The following KCTD16 variants were observed in gnomAD, a reference collection of about 807,000 sequenced individuals.
The protein encoded by KCTD16 is potassium channel tetramerization domain containing 16.
In KCTD16, 13 loss-of-function variants were observed where a neutral mutation model predicts 33.2. The ratio of observed to expected loss-of-function variants is 0.39; its 90% confidence interval spans 0.25 to 0.62. KCTD16 has a LOEUF of 0.62. KCTD16 is among the 20% of genes least tolerant of loss of function. The pLI, the probability that KCTD16 is intolerant of heterozygous loss-of-function variation, is 0.50. For missense variants in KCTD16, 441 were observed against 525.1 expected (o/e 0.84, Z 1.57); for synonymous variants, 197 against 195.3 (o/e 1.01, Z -0.07).
chr5:144,192,011 G>C (rs182174760), intron 2 of KCTD16, among the ~76,000 whole-genome samples: 2 of 152,228 alleles, frequency 1.3e-5, no homozygotes, highest in East Asian at 3.9e-4. Flanking sequence ...ACAGTGAGAA[G>C]GGATCAGTTT....
At chr5:144,323,321 T>G (rs925665258) in intron 3 of KCTD16, among the ~76,000 whole-genome samples, 2 of 152,180 alleles carry the variant, frequency 1.3e-5, no homozygotes, top group African/African-American at 4.8e-5. Context: ...ACCATGTAAG[T>G]CTGGGTTCTC....
At chr5:144,322,382 T>A (rs1752094933) in intron 3 of KCTD16, among the ~76,000 whole-genome samples, 1 of 152,156 alleles carries the variant, frequency 6.6e-6, no homozygotes, top group South Asian at 2.1e-4. Flanking sequence ...GTTGATCTAA[T>A]CAGAGCTAAT....
chr5:144,421,531 T>G (rs944411360), intron 3 of KCTD16, among the ~76,000 whole-genome samples: 1 of 152,252 alleles, frequency 6.6e-6, no homozygotes, highest in Admixed American at 6.6e-5. Context: ...ATCTGGTTCC[T>G]TGGACTCAGT....
intron 3 of KCTD16, among the ~76,000 whole-genome samples, chr5:144,280,194 G>A (rs1254400256): frequency 1.3e-5 from 2 of 152,082 alleles, no homozygotes; most frequent in African/African-American, 4.8e-5. Context: ...AATGAGCTGA[G>A]TAGTATTCCC....
intron 3 of KCTD16, among the ~76,000 whole-genome samples, chr5:144,214,911 A>G (rs72800580): frequency 0.016 from 2,368 of 152,292 alleles, 27 homozygotes; most frequent in South Asian, 0.037. Context: ...CCTGGAACAA[A>G]TGTAGGTATA....
intron 3 of KCTD16, among the ~76,000 whole-genome samples, chr5:144,312,633 AAGG>A (rs1033016556): frequency 3.3e-5 from 5 of 152,226 alleles, no homozygotes; most frequent in Non-Finnish European, 7.3e-5. Context: ...GCACATAAAA[AAGG>A]AGAAGAGGAA....
chr5:144,461,032 A>C (rs1754182542), intron 3 of KCTD16, among the ~76,000 whole-genome samples: 1 of 152,224 alleles, frequency 6.6e-6, no homozygotes, highest in East Asian at 1.9e-4. Context: ...CTTACTTTCC[A>C]GGAACTTAAA....
intron 3 of KCTD16, among the ~76,000 whole-genome samples, chr5:144,398,861 G>C (rs1341573953): frequency 6.6e-6 from 1 of 152,002 alleles, no homozygotes; most frequent in African/African-American, 2.4e-5. Context: ...AAACACCACT[G>C]TGCTTTTTGT....
intron 3 of KCTD16, among the ~76,000 whole-genome samples, chr5:144,287,357 C>T (rs1210535466): frequency 1.6e-5 from 2 of 122,794 alleles, no homozygotes; most frequent in African/African-American, 2.7e-5. Flanking sequence ...TTTCAGAGCA[C>T]AGCTGCCAGG....
chr5:144,206,220 A>G (rs373129865), intron 2 of KCTD16, among the ~76,000 whole-genome samples, 169 bp from the exon 3 acceptor site: 45 of 152,248 alleles, frequency 3.0e-4, no homozygotes, highest in Non-Finnish European at 4.8e-4. Context: ...GAGAGAAGCT[A>G]TGATTTAATT....
intron 3 of KCTD16, among the ~76,000 whole-genome samples, chr5:144,235,365 G>A (rs1754222247): frequency 6.6e-6 from 1 of 152,044 alleles, no homozygotes; most frequent in South Asian, 2.1e-4. Flanking sequence ...GCTTAACCAG[G>A]GAGTTTGAAT....
intron 2 of KCTD16, among the ~76,000 whole-genome samples, chr5:144,189,733 G>C (rs889739450): frequency 7.2e-5 from 11 of 152,112 alleles, no homozygotes; most frequent in African/African-American, 2.2e-4. Flanking sequence ...AGTTTTTTCA[G>C]GTGGTTTGCC....
intron 2 of KCTD16, among the ~76,000 whole-genome samples, chr5:144,198,599 C>T (rs190854032): frequency 2.8e-4 from 43 of 152,280 alleles, no homozygotes; most frequent in African/African-American, 8.2e-4. Flanking sequence ...TTGTGAAAAA[C>T]GCCTTCTACA....
chr5:144,217,502 A>C (rs981122139), intron 3 of KCTD16, among the ~76,000 whole-genome samples: 1 of 152,242 alleles, frequency 6.6e-6, no homozygotes, highest in Non-Finnish European at 1.5e-5. Flanking sequence ...ACAGAGGGGT[A>C]ATAACGGATA....
At chr5:144,344,776 C>A (rs1340511913) in intron 3 of KCTD16, among the ~76,000 whole-genome samples, 1 of 150,248 alleles carries the variant, frequency 6.7e-6, no homozygotes, top group Non-Finnish European at 1.5e-5. Flanking sequence ...ACTAGTTCAA[C>A]CCTTGTGGAA....
chr5:144,290,392 G>A (rs180795257), intron 3 of KCTD16, among the ~76,000 whole-genome samples: 1 of 152,290 alleles, frequency 6.6e-6, no homozygotes, highest in East Asian at 1.9e-4. Flanking sequence ...TGAAGTGGCT[G>A]AGATATACTA....
chr5:144,465,488 G>C (rs1754308548), intron 3 of KCTD16, among the ~76,000 whole-genome samples: 1 of 151,914 alleles, frequency 6.6e-6, no homozygotes, highest in Non-Finnish European at 1.5e-5. Context: ...TTTCCTCATT[G>C]TAAAAATGAG....
At chr5:144,421,557 G>A (rs1753210696) in intron 3 of KCTD16, among the ~76,000 whole-genome samples, 2 of 152,142 alleles carry the variant, frequency 1.3e-5, no homozygotes, top group African/African-American at 4.8e-5. Flanking sequence ...TGCCAGTGGG[G>A]TAAGAGAGTG....
At chr5:144,386,218 T>A (rs1263354123) in intron 3 of KCTD16, among the ~76,000 whole-genome samples, 1 of 152,188 alleles carries the variant, frequency 6.6e-6, no homozygotes, top group Non-Finnish European at 1.5e-5. Flanking sequence ...GAAAGGGCCC[T>A]CTGTTGTGAA....
Sources: allele counts gnomAD v4.1 joint callset (sites outside exome capture counted in the v4.1 genomes callset), GRCh38; gene constraint gnomAD v4.1.1; transcripts MANE v1.5; gene names NCBI Gene and HGNC (gene_info 2026-07-23, HGNC 2026-07-21).